Variants in WRN observed in about 807,000 individuals in gnomAD.
The protein encoded by WRN is WRN RecQ like helicase.
Under a neutral mutation model 180.7 loss-of-function variants are expected in WRN, and 149 were observed. The ratio of observed to expected loss-of-function variants is 0.82; its 90% confidence interval spans 0.72 to 0.94. The LOEUF (loss-of-function observed/expected upper bound fraction) is 0.94, where lower values mean the gene tolerates loss of function less well. Ranked by LOEUF, WRN falls within the 40% of genes least tolerant of loss-of-function variation. WRN has a pLI of 0.00. For synonymous variants in WRN, 548 were observed against 568.9 expected (o/e 0.96, Z 0.52); for missense variants, 1,661 against 1,700.1 (o/e 0.98, Z 0.40).
At position 31,089,652 on chromosome 8, in the gene WRN, G is replaced by A. The variant is rs541094692; in HGVS notation, c.1652+687G>A. Among the ~76,000 whole-genome samples the A allele has an allele frequency of 3.9e-5, 6 of 152,022 alleles. No homozygotes were observed. In the South Asian group the frequency reaches 1.2e-3, roughly 31 times the overall value. On this transcript the variant is annotated intron_variant, in intron 13 of 34. Transcript: ENST00000298139. ...ATTGTCATAAACTGGGCACCCTGTG[G>A]CCAGCACTTAGTTAAGAATAGGTCA...
At chr8:31,099,222 C>G (rs1814113470) in intron 17 of WRN, among the ~76,000 whole-genome samples, 1 of 151,940 alleles carries the variant, frequency 6.6e-6, no homozygotes, top group Non-Finnish European at 1.5e-5. Flanking sequence ...CATGGTGAAA[C>G]CCTGTCTCTA....
At chr8:31,134,500 ATTAC>A (rs1174198596) in intron 24 of WRN, among the ~76,000 whole-genome samples, 1 of 152,240 alleles carries the variant, frequency 6.6e-6, no homozygotes, top group Non-Finnish European at 1.5e-5. Flanking sequence ...CAGTGAAGTT[ATTAC>A]TTAAGGAACT....
In WRN at chr8:31,087,831, A is replaced by G. The variant is rs2130156186; in HGVS notation, c.1487A>G (p.Lys496Arg). ...TVEPTHSKCLKMERNLGLPTK... is the reference protein window; with the variant it reads ...TVEPTHSKCLRMERNLGLPTK... Reference sequence around the variant, plus strand: ...GAACCAACTCATTCTAAATGCTTAAAAATGGAAAGAAATCTGGGTCTTCCT... The same window carrying G: ...GAACCAACTCATTCTAAATGCTTAAGAATGGAAAGAAATCTGGGTCTTCCT... The change falls in exon 12 of 35, where the codon AAA becomes AGA. Residue 496 changes from lysine (K) to arginine (R), a missense_variant. Lys to Arg is a conservative substitution (Grantham distance 26, BLOSUM62 2). Around this residue, in one of 3 missense-constraint regions of WRN, gnomAD observed 1,141 missense variants for 1,149.4 expected, o/e 0.99. Transcript: ENST00000298139. 6.2e-7 allele frequency: 1 copy of G among 1,613,790 alleles called. No homozygotes were observed.
chr8:31,067,397 T>C (rs992800740), intron 6 of WRN, among the ~76,000 whole-genome samples: 1 of 152,214 alleles, frequency 6.6e-6, no homozygotes, highest in African/African-American at 2.4e-5. Context: ...AATGCTAGTT[T>C]ATTTTCATTG....
At chr8:31,041,653 G>T (rs939551132) in intron 1 of WRN, among the ~76,000 whole-genome samples, 1 of 152,172 alleles carries the variant, frequency 6.6e-6, no homozygotes, top group African/African-American at 2.4e-5. Context: ...TCAGCTAAGA[G>T]TGACGATCGG....
intron 1 of WRN, among the ~76,000 whole-genome samples, chr8:31,042,257 G>C (rs866094158): frequency 3.3e-5 from 5 of 152,162 alleles, no homozygotes; most frequent in Middle Eastern, 3.2e-3. Context: ...CTGGAGGAGG[G>C]CTGGTCAGAA....
intron 27 of WRN, among the ~76,000 whole-genome samples, chr8:31,143,068 C>CATACAT (rs2130424916): frequency 6.9e-6 from 1 of 144,416 alleles, no homozygotes; most frequent in African/African-American, 2.5e-5. Context: ...CTCTCTCTCT[C>CATACAT]TCTCTCACAC....
At chr8:31,037,218 G>A (rs1811482694) in intron 1 of WRN, among the ~76,000 whole-genome samples, 2 of 152,220 alleles carry the variant, frequency 1.3e-5, no homozygotes, top group African/African-American at 4.8e-5. Context: ...CTTCTAAGGA[G>A]CATACAACCT....
In WRN at chr8:31,174,479, T is replaced by C. The variant is rs1270097672; in HGVS notation, c.*1377T>C. On this transcript the variant is annotated 3_prime_UTR_variant, in exon 35 of 35. Transcript: ENST00000298139. ...ATGATTGGTTATTAGATTTGGATGT[T>C]TGGCAGACATTTTCTCAAAATTGAA... 1.3e-5 allele frequency among the ~76,000 whole-genome samples: 2 copies of C among 152,202 alleles called. No individual in the cohort carries two copies. The highest frequency in any genetic ancestry group is 4.8e-5 in the African/African-American group (2 of 41,462).
chr8:31,125,831 A>G (rs1340574531), intron 23 of WRN, among the ~76,000 whole-genome samples: 1 of 151,118 alleles, frequency 6.6e-6, no homozygotes, highest in Non-Finnish European at 1.5e-5. Flanking sequence ...CTTAAAGTCA[A>G]CTGATTATAA....
At chr8:31,152,241 G>C (rs1803164283) in intron 31 of WRN, among the ~76,000 whole-genome samples, 1 of 151,836 alleles carries the variant, frequency 6.6e-6, no homozygotes, top group Admixed American at 6.6e-5. Context: ...TGAGGCAGGA[G>C]AATGGCGTGA....
chr8:31,133,153 T>C (rs1448882405), intron 24 of WRN, among the ~76,000 whole-genome samples: 1 of 152,238 alleles, frequency 6.6e-6, no homozygotes, highest in Non-Finnish European at 1.5e-5. Flanking sequence ...AAGAGCTTGT[T>C]CTGTAGTCCT....
At chr8:31,139,413 G>A (rs1802519885) in intron 24 of WRN, among the ~76,000 whole-genome samples, 1 of 152,106 alleles carries the variant, frequency 6.6e-6, no homozygotes, top group African/African-American at 2.4e-5. Context: ...TAAGTAGAAA[G>A]GTATTTATTA....
In WRN at chr8:31,076,198, GAACA is replaced by G. The variant is rs1244318419; in HGVS notation, c.755_758del (p.Lys252SerfsTer2). The G allele has an allele frequency of 3.7e-6, 6 of 1,613,662 alleles. No individual in the cohort carries two copies. Among genetic ancestry groups the G allele is most frequent in the South Asian group, 1.1e-5 (1 of 91,074 alleles). Reference sequence around the variant, plus strand: ...AGGAAGAAATCCTACTTAGCGACATGAACAAACAGTTGACTTCAATCTCTGAGGA... The same window carrying G: ...AGGAAGAAATCCTACTTAGCGACATGAACAGTTGACTTCAATCTCTGAGGA... On this transcript the variant is annotated frameshift_variant, in exon 8 of 35. Transcript: ENST00000298139. LOFTEE classifies it high-confidence loss of function.
intron 23 of WRN, among the ~76,000 whole-genome samples, chr8:31,125,562 A>ATATATATATATATATATATATG (rs1563366303): frequency 7.7e-6 from 1 of 130,476 alleles, no homozygotes; most frequent in Admixed American, 7.9e-5. Flanking sequence ...ATATATATAT[A>ATATATATATATATATATATATG]TATATATGGG....
chr8:31,090,341 G>A (rs1233434414), intron 13 of WRN, 124 bp from the exon 14 acceptor site: 2 of 905,264 alleles, frequency 2.2e-6, no homozygotes, highest in East Asian at 2.5e-5. Context: ...CCAGGTTTGT[G>A]CATTTATGTA....
Position 31,157,370 on chromosome 8 carries a change from G to T in WRN, c.3822G>T (p.Lys1274Asn). Residue 1274 changes from lysine (K) to asparagine (N), a missense_variant and splice_region_variant, in exon 33 of 35, where the codon AAG becomes AAT. Lys to Asn is a moderately conservative substitution (Grantham distance 94, BLOSUM62 0). Transcript: ENST00000298139. ...GTTCTTTGCTGATCTTTCTCTAGAA[G>T]AGCATAGCTGAGAGCAGGATTCTGC... ...SLFQEKKMPL[K>N]SIAESRILPL... The T allele has an allele frequency of 6.2e-7, 1 of 1,613,810 alleles. No homozygotes were observed. The highest frequency in any genetic ancestry group is 8.5e-7 in the Non-Finnish European group (1 of 1,180,004).
chr8:31,121,313 G>A (rs888198616), intron 21 of WRN, among the ~76,000 whole-genome samples: 1 of 151,838 alleles, frequency 6.6e-6, no homozygotes, highest in Non-Finnish European at 1.5e-5. Context: ...ATAAGAGAGT[G>A]CCTCCCACTA....
At chr8:31,156,964 G>A (rs941454028) in intron 32 of WRN, among the ~76,000 whole-genome samples, 4 of 152,166 alleles carry the variant, frequency 2.6e-5, no homozygotes, top group African/African-American at 4.8e-5. Context: ...GGAAATTCAT[G>A]TAACCAAACC....
Sources: allele counts gnomAD v4.1 joint callset (sites outside exome capture counted in the v4.1 genomes callset), GRCh38; gene constraint gnomAD v4.1.1; regional missense constraint gnomAD v4.1.1; transcripts MANE v1.5; gene names NCBI Gene and HGNC (gene_info 2026-07-23, HGNC 2026-07-21).